Variants in ZNF729 observed in about 807,000 individuals in gnomAD.
The protein encoded by ZNF729 is zinc finger protein 729.
Under a neutral mutation model 12.2 loss-of-function variants are expected in ZNF729, and 15 were observed. The ratio of observed to expected loss-of-function variants is 1.23; its 90% confidence interval spans 0.82 to 1.89. ZNF729 has a LOEUF of 1.89. Ranked by LOEUF, ZNF729 falls within the 40% of genes most tolerant of loss-of-function variation. ZNF729 has a pLI of 0.00. For missense variants in ZNF729, 1,540 were observed against 1,456.7 expected (o/e 1.06, Z -0.93); for synonymous variants, 492 against 476.3 (o/e 1.03, Z -0.43).
chr19:22,315,229 A>C lies in ZNF729; in HGVS notation c.1812A>C (p.Glu604Asp), dbSNP rs1260618093. ...GGGAGAAATTGTACAAATGTGAAGA[A>C]TGTGGCAAAGCTTTTAACAATTCCT... is the stretch of plus-strand genomic sequence containing the variant. ...HTREKLYKCE[E>D]CGKAFNNSSI... The change falls in exon 4 of 4, where the codon GAA becomes GAC. Residue 604 changes from glutamate to aspartate, a missense_variant. Glu to Asp is a conservative substitution (Grantham distance 45). Coordinates refer to ENST00000601693, the MANE Select transcript of ZNF729 (RefSeq NM_001242680.2). 1 of 1,612,322 alleles carries C rather than the reference A, an allele frequency of 6.2e-7. No homozygotes were observed. Among genetic ancestry groups the C allele is most frequent in the African/African-American group, 1.3e-5 (1 of 74,904 alleles).
intron 1 of ZNF729, among the ~76,000 whole-genome samples, chr19:22,292,432 A>G (rs1197078017): frequency 6.6e-6 from 1 of 152,062 alleles, no homozygotes; most frequent in East Asian, 1.9e-4. Flanking sequence ...TGTTTTCATT[A>G]AATCTTTTAT....
intron 3 of ZNF729, among the ~76,000 whole-genome samples, chr19:22,305,750 T>C (rs1968370422): frequency 6.6e-6 from 1 of 152,162 alleles, no homozygotes; most frequent in Admixed American, 6.6e-5. Flanking sequence ...AGGAACATAT[T>C]GCATGCTTTT....
chr19:22,307,186 T>G (rs1486865784), intron 3 of ZNF729, among the ~76,000 whole-genome samples: 4 of 152,022 alleles, frequency 2.6e-5, no homozygotes, highest in Middle Eastern at 3.2e-3. Context: ...ATTTCTCTTG[T>G]TATATATGCA....
In ZNF729 at chr19:22,313,808, G is replaced by A. The variant is rs1354148319; in HGVS notation, c.391G>A (p.Glu131Lys). The change falls in exon 4 of 4, where the codon GAG becomes AAG. Residue 131 changes from glutamate (E) to lysine (K), a missense_variant. Transcript: ENST00000601693. Reference sequence around the variant, plus strand: ...AAGAAAAGATTGTAAAAGTGCCAATGAGGGTAAGATGCACAAAGAAGGTTA... The same window carrying A: ...AAGAAAAGATTGTAAAAGTGCCAATAAGGGTAAGATGCACAAAGAAGGTTA... ...RLRKDCKSAN[E>K]GKMHKEGYNK... is the part of the protein sequence containing the mutation. 10 of 1,595,870 alleles carry A rather than the reference G, an allele frequency of 6.3e-6. No homozygotes were observed. The highest frequency in any genetic ancestry group is 8.5e-6 in the Non-Finnish European group (10 of 1,172,678).
chr19:22,303,684 C>T lies in ZNF729; in HGVS notation c.31-74C>T, dbSNP rs1968344026. The T allele has an allele frequency of 3.6e-6, 5 of 1,398,510 alleles. 1 individual carries two copies. The East Asian group carries it at 1.5e-4, about 42-fold the overall frequency. The allele number at this position is 1,398,510 out of a possible 1,614,324, so 86.6% of individuals were successfully genotyped here. A position where few individuals can be genotyped will look rare whatever the true frequency, so the allele number is the denominator to read the frequency against. On this transcript the variant is annotated intron_variant, in intron 1 of 3. Coordinates refer to ENST00000601693, the MANE Select transcript of ZNF729 (RefSeq NM_001242680.2). ...CTGTTCTCTTTATTCTCTCATTTCA[C>T]CTTGAGTCAAATTAAAAATTTCTGC...
intron 1 of ZNF729, among the ~76,000 whole-genome samples, chr19:22,291,463 G>A (rs1444930279): frequency 2.0e-5 from 3 of 152,066 alleles, no homozygotes; most frequent in African/African-American, 7.2e-5. Context: ...ATTTCACTAC[G>A]GCATTTTTGA....
intron 1 of ZNF729, among the ~76,000 whole-genome samples, chr19:22,298,543 C>T (rs903235727): frequency 7.9e-5 from 12 of 152,068 alleles, no homozygotes; most frequent in East Asian, 3.9e-4. Flanking sequence ...GACAGAGTTT[C>T]GCTCTTGTCA....
At chr19:22,290,410 CAA>C (rs1397303496) in intron 1 of ZNF729, among the ~76,000 whole-genome samples, 2 of 152,054 alleles carry the variant, frequency 1.3e-5, no homozygotes, top group African/African-American at 4.8e-5. Flanking sequence ...AATTGAATTC[CAA>C]AAGAGTATTG....
chr19:22,288,310 T>G (rs1968107567), intron 1 of ZNF729, among the ~76,000 whole-genome samples: 1 of 146,664 alleles, frequency 6.8e-6, no homozygotes, highest in Non-Finnish European at 1.5e-5. Flanking sequence ...GTCTTTGTAC[T>G]GTTTTTTTTT....
At position 22,316,216 on chromosome 19, in the gene ZNF729, G is replaced by T. The variant is rs781282390; in HGVS notation, c.2799G>T (p.Lys933Asn). The T allele has an allele frequency of 6.2e-7, 1 of 1,613,240 alleles. No individual in the cohort carries two copies. Among genetic ancestry groups the T allele is most frequent in the Non-Finnish European group, 8.5e-7 (1 of 1,179,566 alleles). The change falls in exon 4 of 4, where the codon AAG becomes AAT. Residue 933 changes from lysine to asparagine, a missense_variant. Coordinates refer to ENST00000601693, the MANE Select transcript of ZNF729 (RefSeq NM_001242680.2). ...LRKHKIIHTGKKPYKCEECGK... is the reference protein window; with the variant it reads ...LRKHKIIHTGNKPYKCEECGK... ...AACATAAGATAATTCATACTGGAAA[G>T]AAACCCTACAAATGTGAAGAATGTG...
At chr19:22,288,124 G>A (rs985873248) in intron 1 of ZNF729, among the ~76,000 whole-genome samples, 5 of 152,210 alleles carry the variant, frequency 3.3e-5, no homozygotes, top group Middle Eastern at 3.4e-3. Context: ...GATTACAGGC[G>A]TGAGTCACCG....
chr19:22,288,133 C>A (rs531691664), intron 1 of ZNF729, among the ~76,000 whole-genome samples: 4 of 152,026 alleles, frequency 2.6e-5, no homozygotes, highest in Non-Finnish European at 5.9e-5. Context: ...CGTGAGTCAC[C>A]GTGCCCAGCC....
intron 1 of ZNF729, among the ~76,000 whole-genome samples, chr19:22,300,517 A>G (rs930133151): frequency 6.6e-6 from 1 of 152,216 alleles, no homozygotes; most frequent in Non-Finnish European, 1.5e-5. Context: ...TTTACTCTAG[A>G]GGAAACTTTC....
chr19:22,309,721 T>C (rs1968427821), intron 3 of ZNF729, among the ~76,000 whole-genome samples: 1 of 151,854 alleles, frequency 6.6e-6, no homozygotes, highest in African/African-American at 2.4e-5. Context: ...AATTTTAGAA[T>C]CATTTTTTCT....
chr19:22,289,286 C>T (rs965888710), intron 1 of ZNF729, among the ~76,000 whole-genome samples: 21 of 147,682 alleles, frequency 1.4e-4, no homozygotes, highest in South Asian at 2.1e-4. Context: ...AGTGCAGTGG[C>T]GCAATCTCTG....
intron 3 of ZNF729, among the ~76,000 whole-genome samples, chr19:22,311,288 G>T (rs1968447255): frequency 6.6e-6 from 1 of 151,944 alleles, no homozygotes; most frequent in African/African-American, 2.4e-5. Flanking sequence ...TGAATTTAGA[G>T]TGTCTGTGTT....
chr19:22,297,162 ATAG>A (rs1401074998), intron 1 of ZNF729, among the ~76,000 whole-genome samples: 1 of 152,182 alleles, frequency 6.6e-6, no homozygotes, highest in Non-Finnish European at 1.5e-5. Flanking sequence ...AATCTGTCTA[ATAG>A]TATCTGTGAG....
Position 22,291,530 on chromosome 19 carries a change from C to T in ZNF729, c.30+4975C>T, listed in dbSNP as rs113291077. ...GTGTCTACAAGTCTCCTGGCATATCCCAACCCCCAGACACTGAATCTGCAG... is the reference window on the plus strand; with the variant it reads ...GTGTCTACAAGTCTCCTGGCATATCTCAACCCCCAGACACTGAATCTGCAG... On this transcript the variant is annotated intron_variant, in intron 1 of 3. Transcript: ENST00000601693. Among the ~76,000 whole-genome samples, 662 of 137,860 alleles carry T rather than the reference C, an allele frequency of 4.8e-3. 4 individuals carry two copies. The highest frequency in any genetic ancestry group is 0.017 in the African/African-American group (635 of 36,952). 90.4% of individuals were successfully genotyped at this position (137,860 alleles called of 152,430 possible).
chr19:22,295,543 G>A (rs1335495440), intron 1 of ZNF729, among the ~76,000 whole-genome samples: 3 of 151,884 alleles, frequency 2.0e-5, no homozygotes, highest in Non-Finnish European at 4.4e-5. Flanking sequence ...GGCGACTACA[G>A]GCGCGCACCA....
Sources: gnomAD v4.1 joint callset for allele counts (sites outside exome capture counted in the v4.1 genomes callset) on GRCh38, gnomAD v4.1.1 for gene constraint, MANE v1.5 for transcripts, NCBI Gene and HGNC (gene_info 2026-07-23, HGNC 2026-07-21) for gene names.